The following ZNF207 variants were observed in gnomAD, a reference collection of about 807,000 sequenced individuals.
ZNF207 encodes the protein BUB3-interacting and GLEBS motif-containing protein ZNF207.
ZNF207 carries 24 observed loss-of-function variants against 60.2 expected under a neutral mutation model. That is an observed-to-expected ratio of 0.40 (90% CI 0.29 to 0.56). The LOEUF is 0.56. Among genes scored for constraint, ZNF207 ranks in the 20% least tolerant of loss-of-function variants. ZNF207 has a pLI of 0.49. For missense variants in ZNF207, 452 were observed against 636.6 expected, an observed-to-expected ratio of 0.71 and a Z score of 3.12; for synonymous variants, 236 against 194.7, an observed-to-expected ratio of 1.21 and a Z score of -1.77.
At position 32,369,382 on chromosome 17, in the gene ZNF207, A is replaced by G. The variant is rs756703950; in HGVS notation, c.1252A>G (p.Ile418Val). The change falls in exon 11 of 12, where the codon ATT becomes GTT. Residue 418 changes from isoleucine (I) to valine (V), a missense_variant. Ile to Val is a conservative substitution (Grantham distance 29). Coordinates refer to ENST00000394670, the MANE Select transcript of ZNF207 (RefSeq NM_001098507.2). Reference sequence around the variant, plus strand: ...CATCGGTAATCCACCAGTTGGACCAATTGGAGGTATGATGCCACCACAGCC... The same window carrying G: ...CATCGGTAATCCACCAGTTGGACCAGTTGGAGGTATGATGCCACCACAGCC... ...APIGNPPVGP[I>V]GGMMPPQPGI... 2.7e-5 allele frequency: 44 copies of G among 1,614,038 alleles called. 1 individual carries two copies. Among genetic ancestry groups the G allele is most frequent in the Middle Eastern group, 1.6e-4 (1 of 6,084 alleles).
rs750268730 is a variant in ZNF207 at position 32,351,579 on chromosome 17, TGAA to T, written c.42-204_42-202del. ...TATTGAGATGTGTTTTTTGGGGTGG[TGAA>T]GAGAGCTGGCCTTCTAGGAAATTGA... On this transcript the variant is annotated intron_variant, in intron 1 of 11. Coordinates refer to ENST00000394670, the MANE Select transcript of ZNF207 (RefSeq NM_001098507.2). The T allele has an allele frequency of 2.3e-5, 35 of 1,533,948 alleles. 1 individual carries two copies. In the South Asian group the frequency reaches 4.0e-4, roughly 17 times the overall value.
rs764144610 is a variant in ZNF207 at position 32,363,019 on chromosome 17, A to G, written c.670+35A>G. 7.0e-6 allele frequency: 11 copies of G among 1,581,358 alleles called. No individual in the cohort carries two copies. The East Asian group carries it at 1.3e-4, about 19-fold the overall frequency. On this transcript the variant is annotated intron_variant, in intron 7 of 11. Transcript: ENST00000394670. Reference sequence around the variant, plus strand: ...AGATAATTTCATTTTAATATGATGTACAGGCTTTATTTCTAAGTTTTTTTA... The same window carrying G: ...AGATAATTTCATTTTAATATGATGTGCAGGCTTTATTTCTAAGTTTTTTTA...
Position 32,373,187 on chromosome 17 carries a change from C to T in ZNF207, c.*3428C>T, listed in dbSNP as rs772250592. ...AAGTTACATTTTGAACTTAGACTCA[C>T]CTTAATTAAACTTAATTAATTGGGG... On this transcript the variant is annotated 3_prime_UTR_variant, in exon 12 of 12. Transcript: ENST00000394670. 3 of 428,640 alleles carry T rather than the reference C, an allele frequency of 7.0e-6. No individual in the cohort carries two copies. Among genetic ancestry groups the T allele is most frequent in the Non-Finnish European group, 1.2e-5 (3 of 242,242 alleles). The allele number at this position is 428,640 out of a possible 1,614,324, so 26.6% of individuals were successfully genotyped here.
intron 2 of ZNF207, among the ~76,000 whole-genome samples, chr17:32,354,479 TTG>T (rs1204763175): frequency 6.6e-6 from 1 of 152,052 alleles, no homozygotes; most frequent in Admixed American, 6.5e-5. Context: ...CCTGCCTGAG[TTG>T]TATTTTTAGT....
At chr17:32,367,239 T>TA (rs1905206663) in intron 9 of ZNF207, among the ~76,000 whole-genome samples, 7 of 32,190 alleles carry the variant, frequency 2.2e-4, no homozygotes, top group Middle Eastern at 0.022. Context: ...TTGGAGGGGA[T>TA]TATATATATA....
intron 2 of ZNF207, 103 bp downstream of exon 2, chr17:32,352,015 T>C: frequency 8.6e-7 from 1 of 1,161,162 alleles, no homozygotes. Flanking sequence ...TCGCCCAAGC[T>C]GGAGTGCAGT....
At chr17:32,357,152 T>C (rs565643109) in intron 2 of ZNF207, among the ~76,000 whole-genome samples, 1 of 150,022 alleles carries the variant, frequency 6.7e-6, no homozygotes, top group African/African-American at 2.5e-5. Context: ...ACTGTACTCC[T>C]GCTTGGGTGG....
At position 32,357,336 on chromosome 17, in the gene ZNF207, A is replaced by T. The variant is rs1190426490; in HGVS notation, c.169-1167A>T. Among the ~76,000 whole-genome samples the T allele has an allele frequency of 5.8e-4, 51 of 87,852 alleles. 2 individuals are homozygous for T. The highest frequency in any genetic ancestry group is 2.2e-3 in the African/African-American group (44 of 20,038). The allele number at this position is 87,852 out of a possible 152,430, so 57.6% of individuals were successfully genotyped here. On this transcript the variant is annotated intron_variant, in intron 2 of 11. Transcript: ENST00000394670. Reference sequence around the variant, plus strand: ...AATTATTATTATTATTATTATTATTATTATTATTATTATTATTTTTTTTTT... The same window carrying T: ...AATTATTATTATTATTATTATTATTTTTATTATTATTATTATTTTTTTTTT...
Position 32,370,021 on chromosome 17 carries a change from T to TA in ZNF207, c.*265dup, listed in dbSNP as rs1905394481. Reference sequence around the variant, plus strand: ...CTAGGTTTTTAGAAGTGAAGTATAGTAAATTTGGTTCGTTAAATTGTGAAG... The same window carrying TA: ...CTAGGTTTTTAGAAGTGAAGTATAGTAAAATTTGGTTCGTTAAATTGTGAAG... On this transcript the variant is annotated 3_prime_UTR_variant, in exon 12 of 12. Transcript: ENST00000394670. 3.2e-6 allele frequency: 1 copy of TA among 311,988 alleles called. No individual in the cohort carries two copies. Among genetic ancestry groups the TA allele is most frequent in the African/African-American group, 2.1e-5 (1 of 46,552 alleles). The allele number at this position is 311,988 out of a possible 1,614,324, so 19.3% of individuals were successfully genotyped here.
At chr17:32,361,541 T>C (rs1266498994) in intron 6 of ZNF207, 26 bp downstream of exon 6, 1 of 1,593,302 alleles carries the variant, frequency 6.3e-7, no homozygotes, top group Non-Finnish European at 8.6e-7. Flanking sequence ...ATAATGTAAT[T>C]CAGGAGGTAT....
chr17:32,354,197 C>T lies in ZNF207; in HGVS notation c.168+2285C>T, dbSNP rs566891772. Reference sequence around the variant, plus strand: ...GTCTCACTATGTTGCACAGGCTGGTCGCCCAACTCCCAGGATCAATCGATT... The same window carrying T: ...GTCTCACTATGTTGCACAGGCTGGTTGCCCAACTCCCAGGATCAATCGATT... On this transcript the variant is annotated intron_variant, in intron 2 of 11. Transcript: ENST00000394670. 5.3e-5 allele frequency among the ~76,000 whole-genome samples: 8 copies of T among 152,282 alleles called. No homozygotes were observed. The East Asian group carries it at 5.8e-4, about 11-fold the overall frequency.
chr17:32,357,351 A>ATTATTT lies in ZNF207; in HGVS notation c.169-1150_169-1149insATTTTT, dbSNP rs1363194053. ...TATTATTATTATTATTATTATTATT[A>ATTATTT]TTTTTTTTTTTTTTTGAGACAGAAT... is the stretch of plus-strand genomic sequence containing the variant. On this transcript the variant is annotated intron_variant, in intron 2 of 11. Coordinates refer to ENST00000394670, the MANE Select transcript of ZNF207 (RefSeq NM_001098507.2). Among the ~76,000 whole-genome samples, 104 of 73,984 alleles carry ATTATTT rather than the reference A, an allele frequency of 1.4e-3. 2 individuals are homozygous for ATTATTT. Among genetic ancestry groups the ATTATTT allele is most frequent in the African/African-American group, 4.8e-3 (85 of 17,762 alleles). 48.5% of individuals were successfully genotyped at this position (73,984 alleles called of 152,430 possible).
chr17:32,363,528 A>ATTTTTTTT (rs1192049306), intron 7 of ZNF207, among the ~76,000 whole-genome samples: 5 of 79,006 alleles, frequency 6.3e-5, no homozygotes, highest in Non-Finnish European at 1.2e-4. Flanking sequence ...AATCCAACAA[A>ATTTTTTTT]CTTTTTTTTT....
rs138193443 is a variant in ZNF207 at position 32,365,378 on chromosome 17, C to G, written c.719C>G (p.Ala240Gly). The G allele has an allele frequency of 4.5e-5, 73 of 1,614,038 alleles. No homozygotes were observed. The highest frequency in any genetic ancestry group is 5.9e-5 in the Non-Finnish European group (70 of 1,180,028). Residue 240 changes from alanine (A) to glycine (G), a missense_variant, in exon 8 of 12, where the codon GCA becomes GGA. By Grantham distance (60) the Ala-to-Gly change is moderately conservative (BLOSUM62 0). Coordinates refer to ENST00000394670, the MANE Select transcript of ZNF207 (RefSeq NM_001098507.2). ...CCTGGAATTCCTCCAATGACTCAAG[C>G]ACAGGCTGTTTCAGCGCCAGGTATT... ...PRPGIPPMTQ[A>G]QAVSAPGILN...
intron 6 of ZNF207, among the ~76,000 whole-genome samples, chr17:32,362,411 C>T (rs941288663): frequency 6.6e-6 from 1 of 152,170 alleles, no homozygotes; most frequent in African/African-American, 2.4e-5. Flanking sequence ...GTCCTTGAGC[C>T]TTGGCCTCTC....
rs1326586455 is a variant in ZNF207 at position 32,375,836 on chromosome 17, G to A, written c.*6077G>A. The stretch of plus-strand genomic sequence containing the variant: ...ACTTTTATGTAAAAGTCCTTTAAAA[G>A]GGGATTCAATTATAAGGCTATTTGA... On this transcript the variant is annotated 3_prime_UTR_variant, in exon 12 of 12. Transcript: ENST00000394670. 1.3e-5 allele frequency: 2 copies of A among 151,982 alleles called. No homozygotes were observed. Among genetic ancestry groups the A allele is most frequent in the Non-Finnish European group, 2.9e-5 (2 of 67,918 alleles). 9.4% of individuals were successfully genotyped at this position (151,982 alleles called of 1,614,324 possible).
chr17:32,357,949 T>C (rs1037409636), intron 2 of ZNF207, among the ~76,000 whole-genome samples: 2 of 152,030 alleles, frequency 1.3e-5, no homozygotes, highest in Non-Finnish European at 2.9e-5. Context: ...CCGACTAATT[T>C]TTTGTATTTT....
chr17:32,361,645 T>TA, intron 6 of ZNF207, 130 bp downstream of exon 6: 2 of 708,260 alleles, frequency 2.8e-6, no homozygotes, highest in Non-Finnish European at 4.4e-6. Context: ...ACTTGCAAGC[T>TA]AATTAACACA....
Position 32,365,401 on chromosome 17 carries a change from A to G in ZNF207, c.742A>G (p.Ile248Val), listed in dbSNP as rs200005887. The G allele has an allele frequency of 3.0e-4, 484 of 1,614,100 alleles. No homozygotes were observed. Among genetic ancestry groups the G allele is most frequent in the Non-Finnish European group, 4.0e-4 (467 of 1,179,992 alleles). Residue 248 changes from isoleucine to valine, a missense_variant, in exon 8 of 12, where the codon ATT (isoleucine) becomes GTT (valine). Transcript: ENST00000394670. ...AGCACAGGCTGTTTCAGCGCCAGGT[A>G]TTCTTAATAGACCACCTGCACCAAC... ...TQAQAVSAPGILNRPPAPTAT... is the reference protein window; with the variant it reads ...TQAQAVSAPGVLNRPPAPTAT...
Sources: allele counts gnomAD v4.1 joint callset (sites outside exome capture counted in the v4.1 genomes callset), GRCh38; gene constraint gnomAD v4.1.1; transcripts MANE v1.5; gene names NCBI Gene and HGNC (gene_info 2026-07-23, HGNC 2026-07-21).